ST3GAL3: variants seen among roughly 807,000 people sequenced by gnomAD.
ST3GAL3 encodes ST3 beta-galactoside alpha-2,3-sialyltransferase 3.
In ST3GAL3, 21 loss-of-function variants were observed where a neutral mutation model predicts 50.1. That is an observed-to-expected ratio of 0.42 (90% CI 0.30 to 0.60). The LOEUF (loss-of-function observed/expected upper bound fraction) is 0.60, where lower values mean the gene tolerates loss of function less well. Ranked by LOEUF, ST3GAL3 falls within the 20% of genes least tolerant of loss-of-function variation. The probability of loss-of-function intolerance (pLI) is 0.19; values close to 1 mark genes in which losing one functional copy is unlikely to be tolerated. For synonymous variants in ST3GAL3, 183 were observed against 190.0 expected (o/e 0.96, Z 0.30); for missense variants, 353 against 489.4 (o/e 0.72, Z 2.63).
At chr1:43,904,993 C>T (rs1413795685) in intron 9 of ST3GAL3, among the ~76,000 whole-genome samples, 15 of 102,638 alleles carry the variant, frequency 1.5e-4, no homozygotes, top group East Asian at 3.4e-4. Flanking sequence ...CCACTCTTCC[C>T]CCTCCTCCTG....
intron 9 of ST3GAL3, chr1:43,913,382 A>T (rs1052662756): frequency 2.6e-5 from 4 of 152,308 alleles, no homozygotes; most frequent in East Asian, 1.9e-4. Context: ...GCCCTATTGT[A>T]TGCACAAGGA....
chr1:43,896,598 G>A (rs2077420977), intron 6 of ST3GAL3: 1 of 152,298 alleles, frequency 6.6e-6, no homozygotes. Flanking sequence ...AGGCTGCAGT[G>A]CAGTGGCACA....
intron 3 of ST3GAL3, among the ~76,000 whole-genome samples, chr1:43,812,796 T>C (rs1197043353): frequency 6.6e-6 from 1 of 152,024 alleles, no homozygotes; most frequent in East Asian, 1.9e-4. Context: ...GAGAAAACAA[T>C]AGATAGACCA....
chr1:43,759,065 G>GCACACACACACACA (rs1553285693), intron 2 of ST3GAL3, among the ~76,000 whole-genome samples: 3 of 75,360 alleles, frequency 4.0e-5, no homozygotes, highest in Non-Finnish European at 6.9e-5. Flanking sequence ...AAAAGCGCGC[G>GCACACACACACACA]CACACACACA....
rs1488011118 is a variant in ST3GAL3 at position 43,851,405 on chromosome 1, C to T, written c.302+13094C>T. On this transcript the variant is annotated intron_variant, in intron 5 of 11. Transcript: ENST00000347631. ...CTGAGCAAGGCTGGACGTTGACCCC[C>T]CAGCACTGTGGGTCCAGCTTATAGG... The T allele has an allele frequency of 6.2e-6, 10 of 1,611,194 alleles. No homozygotes were observed. In the East Asian group the frequency reaches 1.8e-4, roughly 29 times the overall value.
intron 2 of ST3GAL3, among the ~76,000 whole-genome samples, chr1:43,781,400 A>C (rs919746466): frequency 6.6e-6 from 1 of 152,136 alleles, no homozygotes; most frequent in African/African-American, 2.4e-5. Context: ...ATTTGAGTCC[A>C]GGAATTTGAA....
chr1:43,710,402 T>C (rs955889149), intron 1 of ST3GAL3, among the ~76,000 whole-genome samples: 1 of 152,182 alleles, frequency 6.6e-6, no homozygotes, highest in African/African-American at 2.4e-5. Context: ...TTCTTTTCAC[T>C]CCTACTGTCA....
chr1:43,890,294 A>T (rs1363080214), intron 5 of ST3GAL3, among the ~76,000 whole-genome samples: 1 of 152,228 alleles, frequency 6.6e-6, no homozygotes, highest in African/African-American at 2.4e-5. Context: ...TGGATGGGGT[A>T]TAAAAGAAAC....
At chr1:43,862,792 T>G (rs752201609) in intron 5 of ST3GAL3, among the ~76,000 whole-genome samples, 14 of 151,282 alleles carry the variant, frequency 9.3e-5, no homozygotes, top group Middle Eastern at 7.0e-3. Context: ...GGTGTGCACT[T>G]GTAGCCCTAG....
chr1:43,724,633 A>T (rs1240570140), intron 1 of ST3GAL3, among the ~76,000 whole-genome samples: 1 of 152,198 alleles, frequency 6.6e-6, no homozygotes, highest in Non-Finnish European at 1.5e-5. Flanking sequence ...CAGAGGCAGA[A>T]AAAGAGACAA....
chr1:43,851,055 G>A, intron 5 of ST3GAL3: 1 of 854,624 alleles, frequency 1.2e-6, no homozygotes, highest in Non-Finnish European at 2.0e-6. Flanking sequence ...TATGTGCCAT[G>A]TCCACCATGA....
intron 2 of ST3GAL3, among the ~76,000 whole-genome samples, chr1:43,775,986 C>G (rs1205505645): frequency 3.9e-5 from 6 of 152,142 alleles, no homozygotes; most frequent in Admixed American, 3.3e-4. Flanking sequence ...GGTGAGGTGA[C>G]CTGCCTTCTA....
At chr1:43,785,494 A>G (rs911642341) in intron 2 of ST3GAL3, among the ~76,000 whole-genome samples, 47 of 152,348 alleles carry the variant, frequency 3.1e-4, no homozygotes, top group African/African-American at 1.0e-3. Flanking sequence ...CCTTCTGGGA[A>G]CTGAAGAAAA....
At position 43,872,933 on chromosome 1, in the gene ST3GAL3, G is replaced by A. The variant is rs556036229; in HGVS notation, c.303-21450G>A. The stretch of plus-strand genomic sequence containing the variant: ...GATATCTTGGGGAAGAGCCTTCCAG[G>A]CAGAGGAAACAGCCAGTGCAAAAGC... On this transcript the variant is annotated intron_variant, in intron 5 of 11. Transcript: ENST00000347631. 4.4e-4 allele frequency among the ~76,000 whole-genome samples: 67 copies of A among 152,304 alleles called. 1 individual carries two copies. The South Asian group carries it at 7.0e-3, about 16-fold the overall frequency.
intron 1 of ST3GAL3, among the ~76,000 whole-genome samples, chr1:43,722,307 G>A (rs1670879512): frequency 6.6e-6 from 1 of 152,184 alleles, no homozygotes; most frequent in Non-Finnish European, 1.5e-5. Context: ...CATTGGAAAG[G>A]CATGATAAGT....
intron 5 of ST3GAL3, among the ~76,000 whole-genome samples, chr1:43,867,370 T>C: frequency 6.6e-6 from 1 of 152,234 alleles, no homozygotes; most frequent in Non-Finnish European, 1.5e-5. Context: ...ATTTCTTTCT[T>C]ATATTTGATT....
chr1:43,792,262 TG>T, intron 3 of ST3GAL3, 113 bp downstream of exon 3: 1 of 1,371,774 alleles, frequency 7.3e-7, no homozygotes, highest in Non-Finnish European at 1.0e-6. Flanking sequence ...ATCCCAGAAT[TG>T]GGGGAAGTCT....
chr1:43,781,440 A>G (rs1331585607), intron 2 of ST3GAL3, among the ~76,000 whole-genome samples: 2 of 151,644 alleles, frequency 1.3e-5, no homozygotes, highest in East Asian at 1.9e-4. Flanking sequence ...TGAAACCCCC[A>G]CTCTACTAAA....
rs753383416 is a variant in ST3GAL3, at chr1:43,863,689, A to G, written c.302+25378A>G. On this transcript the variant is annotated intron_variant, in intron 5 of 11. Transcript: ENST00000347631. ...CTAAAATGGGGCCTGTCTGCTCAGT[A>G]TGATGTTCTTAATCCTGGGAGACCC... Among the ~76,000 whole-genome samples the G allele has an allele frequency of 6.6e-5, 10 of 152,166 alleles. No homozygotes were observed. In the East Asian group the frequency reaches 9.6e-4, roughly 15 times the overall value.
Sources: gnomAD v4.1 joint callset for allele counts (sites outside exome capture counted in the v4.1 genomes callset) on GRCh38, gnomAD v4.1.1 for gene constraint, MANE v1.5 for transcripts, NCBI Gene and HGNC (gene_info 2026-07-23, HGNC 2026-07-21) for gene names.